The following PHLDB2 variants were observed in gnomAD, a reference collection of about 807,000 sequenced individuals.
PHLDB2 encodes pleckstrin homology-like domain family B member 2.
In PHLDB2, 71 loss-of-function variants were observed where a neutral mutation model predicts 123.6. That is an observed-to-expected ratio of 0.57 (90% CI 0.47 to 0.70). The LOEUF is 0.70. Among genes scored for constraint, PHLDB2 ranks in the 30% least tolerant of loss-of-function variants. The pLI is 0.00. For missense variants in PHLDB2, 1,446 were observed against 1,519.5 expected (o/e 0.95, Z 0.80); for synonymous variants, 547 against 541.6 (o/e 1.01, Z -0.14).
At chr3:111,796,717 G>A (rs2061176424) in intron 1 of PHLDB2, among the ~76,000 whole-genome samples, 1 of 151,974 alleles carries the variant, frequency 6.6e-6, no homozygotes, top group South Asian at 2.1e-4. Flanking sequence ...AGCTGAGACA[G>A]GGTCTTGCCA....
Position 111,919,166 on chromosome 3 carries a change from A to G in PHLDB2, c.1814A>G (p.Lys605Arg), listed in dbSNP as rs1350675124. 1 of 1,614,174 alleles carries G rather than the reference A, an allele frequency of 6.2e-7. No individual in the cohort carries two copies. The highest frequency in any genetic ancestry group is 8.5e-7 in the Non-Finnish European group (1 of 1,179,974). Residue 605 changes from lysine (K) to arginine (R), a missense_variant, in exon 4 of 18, where the codon AAG becomes AGG. Lys to Arg is a conservative substitution (Grantham distance 26). Transcript: ENST00000431670. ...IVILNNLEEL[K>R]QKIKDINDQM... Reference sequence around the variant, plus strand: ...ATTCTGAACAACCTCGAGGAACTTAAGCAAAAAATCAAAGACATAAATGAT... The same window carrying G: ...ATTCTGAACAACCTCGAGGAACTTAGGCAAAAAATCAAAGACATAAATGAT...
At chr3:111,809,072 G>A (rs995495845) in intron 1 of PHLDB2, among the ~76,000 whole-genome samples, 3 of 152,152 alleles carry the variant, frequency 2.0e-5, no homozygotes, top group African/African-American at 7.2e-5. Context: ...CATCGAGGAG[G>A]AATAGTCACA....
chr3:111,758,194 C>T (rs1428913846), intron 1 of PHLDB2, among the ~76,000 whole-genome samples: 1 of 152,006 alleles, frequency 6.6e-6, no homozygotes, highest in Non-Finnish European at 1.5e-5. Flanking sequence ...TTGTCTGTGC[C>T]CTGCCCCTAG....
Position 111,829,219 on chromosome 3 carries a change from G to A in PHLDB2, c.-48-16602G>A, listed in dbSNP as rs905991031. ...CATCTCTCCCACATTGCCCCATCTC[G>A]CAAAGGCATGCAATTACTAAAGAGA... On this transcript the variant is annotated intron_variant, in intron 1 of 17. Transcript: ENST00000393923. Among the ~76,000 whole-genome samples, 38 of 151,910 alleles carry A rather than the reference G, an allele frequency of 2.5e-4. 1 individual carries two copies. The highest frequency in any genetic ancestry group is 2.1e-3 in the Admixed American group (32 of 15,244).
chr3:111,966,777 A>C, intron 14 of PHLDB2, 74 bp downstream of exon 14: 1 of 1,121,362 alleles, frequency 8.9e-7, no homozygotes, highest in South Asian at 1.4e-5. Context: ...ATCAGACAAT[A>C]CTCCTCCTTA....
At chr3:111,734,460 A>G (rs904366264) in intron 1 of PHLDB2, among the ~76,000 whole-genome samples, 7 of 152,246 alleles carry the variant, frequency 4.6e-5, no homozygotes, top group African/African-American at 1.7e-4. Flanking sequence ...ATTTCCCCAC[A>G]TTACTGAAGG....
intron 1 of PHLDB2, among the ~76,000 whole-genome samples, chr3:111,802,026 C>G (rs963904255): frequency 6.6e-5 from 10 of 152,164 alleles, no homozygotes; most frequent in African/African-American, 2.4e-4. Flanking sequence ...TGAATTCTAT[C>G]TCAATTTTTA....
intron 12 of PHLDB2, among the ~76,000 whole-genome samples, chr3:111,956,748 G>A (rs1016630640): frequency 6.6e-6 from 1 of 152,180 alleles, no homozygotes; most frequent in African/African-American, 2.4e-5. Flanking sequence ...CCAGCAGACT[G>A]TAAAACTGGC....
At chr3:111,803,833 T>C (rs190020572) in intron 1 of PHLDB2, among the ~76,000 whole-genome samples, 4 of 152,192 alleles carry the variant, frequency 2.6e-5, no homozygotes, top group Non-Finnish European at 4.4e-5. Context: ...TTTACAAATA[T>C]TTCTTAACAA....
intron 1 of PHLDB2, among the ~76,000 whole-genome samples, chr3:111,756,779 G>A (rs199963816): frequency 1.2e-3 from 182 of 147,614 alleles, no homozygotes; most frequent in South Asian, 2.8e-3. Context: ...TTTTGCAGTG[G>A]CTGGTACCTG....
In PHLDB2 at chr3:111,913,701, AG is replaced by A; in HGVS notation, c.1719+1del. 4 of 1,609,880 alleles carry A rather than the reference AG, an allele frequency of 2.5e-6. No individual in the cohort carries two copies. The highest frequency in any genetic ancestry group is 3.4e-6 in the Non-Finnish European group (4 of 1,176,968). ...TCCTCTTATCTAAGTATCCTACCAAAGGTAATGTTGGCCCAGCAAAGATACT... is the reference window on the plus strand; with the variant it reads ...TCCTCTTATCTAAGTATCCTACCAAAGTAATGTTGGCCCAGCAAAGATACT... The part of the protein sequence containing the change: ...SESSYLSILP[K>X]TPEGISEEQR... On this transcript the variant is annotated frameshift_variant and splice_region_variant, in exon 3 of 18. Coordinates refer to ENST00000431670, the MANE Select transcript of PHLDB2 (RefSeq NM_001134438.2). LOFTEE classifies it high-confidence loss of function.
chr3:111,779,905 G>A (rs972871881), intron 1 of PHLDB2: 2 of 969,706 alleles, frequency 2.1e-6, no homozygotes, highest in African/African-American at 1.8e-5. Flanking sequence ...GAAGGGTTGG[G>A]TCATACACCC....
At position 111,821,135 on chromosome 3, in the gene PHLDB2, T is replaced by G. The variant is rs1041703297; in HGVS notation, c.-48-24686T>G. Reference sequence around the variant, plus strand: ...CTGAGTATCCAGTGTAAGTCTTAGCTGAATCGGGCCTGCTTTCAGCAACTG... The same window carrying G: ...CTGAGTATCCAGTGTAAGTCTTAGCGGAATCGGGCCTGCTTTCAGCAACTG... On this transcript the variant is annotated intron_variant, in intron 1 of 17. Coordinates refer to the PHLDB2 transcript ENST00000393923. Among the ~76,000 whole-genome samples, 20 of 152,184 alleles carry G rather than the reference T, an allele frequency of 1.3e-4. 1 individual carries two copies. The highest frequency in any genetic ancestry group is 2.9e-5 in the Non-Finnish European group (2 of 68,028).
At chr3:111,874,587 G>C (rs555760392) in intron 1 of PHLDB2, among the ~76,000 whole-genome samples, 2 of 152,264 alleles carry the variant, frequency 1.3e-5, no homozygotes, top group Admixed American at 1.3e-4. Context: ...TCCTAGCAGG[G>C]GGGTGGGAAA....
chr3:111,954,540 T>C (rs762835256), intron 12 of PHLDB2, among the ~76,000 whole-genome samples: 9 of 152,214 alleles, frequency 5.9e-5, no homozygotes, highest in Non-Finnish European at 1.3e-4. Context: ...AGACTTTGAC[T>C]CTCAGCATTT....
At chr3:111,972,876 G>A (rs1025482750) in intron 16 of PHLDB2, among the ~76,000 whole-genome samples, 33 of 152,138 alleles carry the variant, frequency 2.2e-4, no homozygotes, top group African/African-American at 7.7e-4. Flanking sequence ...AAGTGGAATT[G>A]CTTAGTAAGA....
intron 6 of PHLDB2, among the ~76,000 whole-genome samples, chr3:111,938,542 CT>C (rs1189670128): frequency 6.6e-6 from 1 of 152,028 alleles, no homozygotes; most frequent in Admixed American, 6.5e-5. Context: ...TACTATGCTA[CT>C]TGTGTATACA....
chr3:111,868,728 A>G (rs2065205555), intron 1 of PHLDB2, among the ~76,000 whole-genome samples: 1 of 152,166 alleles, frequency 6.6e-6, no homozygotes, highest in Admixed American at 6.5e-5. Flanking sequence ...TAATTGAAGA[A>G]ATCACACCTT....
chr3:111,910,206 G>T (rs1337373476), intron 2 of PHLDB2, among the ~76,000 whole-genome samples: 1 of 152,094 alleles, frequency 6.6e-6, no homozygotes. Context: ...CTAAAATCTT[G>T]TGTCTCCTTC....
Sources: gnomAD v4.1 joint callset for allele counts (sites outside exome capture counted in the v4.1 genomes callset) on GRCh38, gnomAD v4.1.1 for gene constraint, MANE v1.5 for transcripts, NCBI Gene and HGNC (gene_info 2026-07-23, HGNC 2026-07-21) for gene names.